STK10: variants seen among roughly 807,000 people sequenced by gnomAD.
STK10 encodes the protein serine/threonine-protein kinase 10.
A neutral mutation model predicts 113.8 loss-of-function variants in STK10; 78 were observed. The observed-to-expected ratio is 0.69, with a 90% CI of 0.57 to 0.83. The LOEUF (loss-of-function observed/expected upper bound fraction) is 0.83. Among genes scored for constraint, STK10 ranks in the 40% least tolerant of loss-of-function variants. The pLI is 0.00. For missense variants in STK10, 1,109 were observed against 1,280.1 expected, an observed-to-expected ratio of 0.87 and a Z score of 2.04; for synonymous variants, 465 against 494.7, an observed-to-expected ratio of 0.94 and a Z score of 0.80.
intron 2 of STK10, among the ~76,000 whole-genome samples, chr5:172,140,900 TGTA>T (rs1266026777): frequency 6.6e-6 from 1 of 150,520 alleles, no homozygotes; most frequent in Non-Finnish European, 1.5e-5. Flanking sequence ...ATAAAGAAAA[TGTA>T]GTATGTACAC....
At chr5:172,148,437 T>C (rs899457514) in intron 2 of STK10, among the ~76,000 whole-genome samples, 1 of 152,166 alleles carries the variant, frequency 6.6e-6, no homozygotes, top group African/African-American at 2.4e-5. Flanking sequence ...GGGCGAATCC[T>C]GGAATGACAA....
At chr5:172,164,179 T>A (rs1581186954) in intron 1 of STK10, among the ~76,000 whole-genome samples, 1 of 129,544 alleles carries the variant, frequency 7.7e-6, no homozygotes, top group Admixed American at 9.3e-5. Flanking sequence ...GCCATTGCAC[T>A]CCAGCCCGGG....
chr5:172,162,862 C>T (rs1320414739), intron 1 of STK10, among the ~76,000 whole-genome samples: 1 of 152,226 alleles, frequency 6.6e-6, no homozygotes, highest in Non-Finnish European at 1.5e-5. Flanking sequence ...GGACCATTTT[C>T]CAGGAGTGCA....
chr5:172,112,521 C>T (rs1049867370), intron 4 of STK10, among the ~76,000 whole-genome samples: 1 of 147,596 alleles, frequency 6.8e-6, no homozygotes, highest in African/African-American at 2.5e-5. Context: ...CCTGGGTTCA[C>T]GCCATTCTCC....
At chr5:172,087,394 C>A (rs1171874664) in intron 10 of STK10, among the ~76,000 whole-genome samples, 1 of 151,678 alleles carries the variant, frequency 6.6e-6, no homozygotes, top group Non-Finnish European at 1.5e-5. Context: ...CCTGTCTCAG[C>A]CTCCCGAGTA....
rs114393716 is a variant in STK10, at chr5:172,146,922, G to A, written c.321+9702C>T. Among the ~76,000 whole-genome samples the A allele has an allele frequency of 2.8e-3, 433 of 152,258 alleles. 4 individuals carry two copies. Among genetic ancestry groups the A allele is most frequent in the African/African-American group, 9.6e-3 (398 of 41,548 alleles). On this transcript the variant is annotated intron_variant, in intron 2 of 18. Coordinates refer to ENST00000176763, the MANE Select transcript of STK10 (RefSeq NM_005990.4). ...CCGACACTATCTACCGGGAGACAGC[G>A]TCAGATCTCACAGGCTGAGGGCTCA...
At chr5:172,116,106 G>A (rs3111490) in intron 4 of STK10, among the ~76,000 whole-genome samples, 53,697 of 152,072 alleles carry the variant, frequency 0.35, 11,496 homozygotes, top group African/African-American at 0.61. Context: ...CGTGAAACAG[G>A]GTCTTACTCT....
At chr5:172,102,619 C>T (rs189168490) in intron 7 of STK10, among the ~76,000 whole-genome samples, 2 of 152,128 alleles carry the variant, frequency 1.3e-5, no homozygotes, top group East Asian at 3.9e-4. Context: ...GCCTGGAGGT[C>T]GAGTGCCGAC....
At position 172,082,639 on chromosome 5, in the gene STK10, C is replaced by T. The variant is rs1768459317; in HGVS notation, c.1810-134G>A. 3 of 1,198,112 alleles carry T rather than the reference C, an allele frequency of 2.5e-6. No homozygotes were observed. The highest frequency in any genetic ancestry group is 3.0e-5 in the Admixed American group (1 of 33,400). 74.2% of individuals were successfully genotyped at this position (1,198,112 alleles called of 1,614,324 possible). ...GAATCCCAGCTCTACTACCCCGTTG[C>T]TGTGTGACCTGGGGCAAGTTACTTA... On this transcript the variant is annotated intron_variant, in intron 11 of 18. Transcript: ENST00000176763. This position sits in a 1 kb window ranked among gnomAD's most constrained non-coding sequence, Gnocchi z 4.3.
chr5:172,152,755 A>G (rs1428743595), intron 2 of STK10, among the ~76,000 whole-genome samples: 1 of 152,230 alleles, frequency 6.6e-6, no homozygotes, highest in Non-Finnish European at 1.5e-5. Context: ...ATCTAAACAC[A>G]GATCAAGGAC....
intron 13 of STK10, among the ~76,000 whole-genome samples, chr5:172,063,962 A>T (rs959039376): frequency 4.6e-5 from 7 of 152,164 alleles, no homozygotes; most frequent in African/African-American, 1.7e-4. Flanking sequence ...AAGGCTGGGG[A>T]GGCCGGCCAG....
rs201776434 is a variant in STK10, at chr5:172,062,802, T to A, written c.2083-1534A>T. ...GTTTCAGTTTTACAAGACAAGAGAG[T>A]TCTGGAGATAGATGGCGGAGATGGC... On this transcript the variant is annotated intron_variant, in intron 13 of 18. Coordinates refer to ENST00000176763, the MANE Select transcript of STK10 (RefSeq NM_005990.4). 2.0e-5 allele frequency among the ~76,000 whole-genome samples: 3 copies of A among 152,172 alleles called. No individual in the cohort carries two copies. In the East Asian group the frequency reaches 5.8e-4, roughly 29 times the overall value.
intron 2 of STK10, among the ~76,000 whole-genome samples, chr5:172,130,400 G>A (rs941012633): frequency 5.3e-5 from 8 of 152,070 alleles, no homozygotes; most frequent in Middle Eastern, 6.8e-3. Flanking sequence ...GTGTGGTGGC[G>A]GGCACCTGTA....
At chr5:172,168,807 G>A (rs1419161379) in intron 1 of STK10, among the ~76,000 whole-genome samples, 1 of 152,138 alleles carries the variant, frequency 6.6e-6, no homozygotes, top group Non-Finnish European at 1.5e-5. Context: ...CACCAAAGTT[G>A]TCATGCCAGG....
At chr5:172,089,407 T>TGGATGGATGGATGGATGGAA (rs1389259590) in intron 10 of STK10, among the ~76,000 whole-genome samples, 6 of 147,256 alleles carry the variant, frequency 4.1e-5, no homozygotes, top group African/African-American at 1.6e-4. Flanking sequence ...GATGGATGGA[T>TGGATGGATGGATGGATGGAA]GGATGGATGG....
chr5:172,046,131 G>A (rs552678373), intron 18 of STK10, among the ~76,000 whole-genome samples: 8 of 151,806 alleles, frequency 5.3e-5, no homozygotes, highest in South Asian at 4.2e-4. Flanking sequence ...AGGCCAAGGC[G>A]GGCGGATCAC....
chr5:172,092,787 C>G (rs10038496), intron 9 of STK10: 30,935 of 152,172 alleles, frequency 0.2, 4,301 homozygotes, highest in African/African-American at 0.4. Context: ...CCTTCCAGCT[C>G]CCTAAGAAGG....
At chr5:172,166,713 G>T (rs1430534125) in intron 1 of STK10, among the ~76,000 whole-genome samples, 1 of 152,188 alleles carries the variant, frequency 6.6e-6, no homozygotes. Flanking sequence ...CACTGGAGAC[G>T]ATGTAGTAAA....
chr5:172,057,078 A>G (rs1451627343), intron 15 of STK10: 2 of 315,370 alleles, frequency 6.3e-6, no homozygotes, highest in Non-Finnish European at 1.2e-5. Context: ...AAAAGAAAAG[A>G]AAGAGACATA....
Sources: gnomAD v4.1 joint callset for allele counts (sites outside exome capture counted in the v4.1 genomes callset) on GRCh38, gnomAD v4.1.1 for gene constraint, Gnocchi (gnomAD v3.1) non-coding constraint, MANE v1.5 for transcripts, NCBI Gene and HGNC (gene_info 2026-07-23, HGNC 2026-07-21) for gene names.